Variants in BANP observed in about 807,000 individuals in gnomAD.
The protein encoded by BANP is protein BANP.
In BANP, 11 loss-of-function variants were observed where a neutral mutation model predicts 68.1. The observed-to-expected ratio is 0.16, with a 90% confidence interval of 0.10 to 0.27. The LOEUF (loss-of-function observed/expected upper bound fraction) is 0.27, where lower values mean the gene tolerates loss of function less well. Ranked by LOEUF, BANP falls within the 10% of genes least tolerant of loss-of-function variation. The pLI is 1.00. For missense variants in BANP, 504 were observed against 722.7 expected, an observed-to-expected ratio of 0.70 and a Z score of 3.47; for synonymous variants, 329 against 303.2, an observed-to-expected ratio of 1.09 and a Z score of -0.88.
At chr16:87,965,215 A>G (rs11117314) in intron 1 of BANP, among the ~76,000 whole-genome samples, 101,609 of 151,438 alleles carry the variant, frequency 0.67, 34,853 homozygotes, top group African/African-American at 0.79. Flanking sequence ...AATGAGCCCC[A>G]TCAGGCCCTG....
At position 88,004,451 on chromosome 16, in the gene BANP, G is replaced by C; in HGVS notation, c.479+40G>C. The C allele has an allele frequency of 8.7e-7, 1 of 1,145,144 alleles. No homozygotes were observed. The highest frequency in any genetic ancestry group is 1.3e-6 in the Non-Finnish European group (1 of 797,936). 70.9% of individuals were successfully genotyped at this position (1,145,144 alleles called of 1,614,324 possible). A position where few individuals can be genotyped will look rare whatever the true frequency, so the allele number is the denominator to read the frequency against. Reference sequence around the variant, plus strand: ...ACCAACCCCACCTTTCCCTGCCACTGTGCGGAGTCCCATGAGAATAAGTCA... The same window carrying C: ...ACCAACCCCACCTTTCCCTGCCACTCTGCGGAGTCCCATGAGAATAAGTCA... On this transcript the variant is annotated intron_variant, in intron 5 of 13. Transcript: ENST00000682872. The surrounding 1 kb of genome is among the most constrained non-coding windows in gnomAD (Gnocchi z 7.0).
chr16:88,063,255 C>T (rs1194410220), intron 11 of BANP, among the ~76,000 whole-genome samples: 2 of 152,242 alleles, frequency 1.3e-5, no homozygotes, highest in East Asian at 1.9e-4. Flanking sequence ...CCCAGTGCCT[C>T]GGCTTTCGCC....
Position 87,979,932 on chromosome 16 carries a change from AAAAAAC to A in BANP, c.71-1091_71-1086del, listed in dbSNP as rs1169879796. Among the ~76,000 whole-genome samples the A allele has an allele frequency of 2.6e-5, 4 of 152,270 alleles. No individual in the cohort carries two copies. The East Asian group carries it at 5.8e-4, about 22-fold the overall frequency. ...GTGACATAGCAAGACCTCATCTCTT[AAAAAAC>A]AAAAACAAAAACCAAACAAAACGAT... On this transcript the variant is annotated intron_variant, in intron 2 of 13. Transcript: ENST00000682872.
chr16:88,045,619 G>A (rs1410593886), intron 11 of BANP, among the ~76,000 whole-genome samples: 1 of 152,200 alleles, frequency 6.6e-6, no homozygotes, highest in African/African-American at 2.4e-5. Flanking sequence ...CGGGCATTCA[G>A]ACCAGCCAGA....
At chr16:88,015,700 G>A (rs1312717587) in intron 6 of BANP, among the ~76,000 whole-genome samples, 2 of 152,238 alleles carry the variant, frequency 1.3e-5, no homozygotes, top group African/African-American at 2.4e-5. Context: ...CAGGAGGAGC[G>A]GGGCCGAGGT....
Position 88,040,761 on chromosome 16 carries a change from A to C in BANP, c.1311+2750A>C, listed in dbSNP as rs578117594. ...CCTGGTGTGAGCACTGGCTTGATTG[A>C]TGGGAGACCCTGCAGCCCACGCTTG... On this transcript the variant is annotated intron_variant, in intron 11 of 13. Coordinates refer to ENST00000682872, the MANE Select transcript of BANP (RefSeq NM_001386991.1). Among the ~76,000 whole-genome samples the C allele has an allele frequency of 1.3e-5, 2 of 152,182 alleles. 1 individual carries two copies. Among genetic ancestry groups the C allele is most frequent in the African/African-American group, 4.8e-5 (2 of 41,436 alleles).
chr16:87,964,558 A>G (rs866757638), intron 1 of BANP, among the ~76,000 whole-genome samples: 1 of 151,982 alleles, frequency 6.6e-6, no homozygotes, highest in South Asian at 2.1e-4. Context: ...GGCGGGGAGG[A>G]GAGCCCCAGG....
chr16:88,045,960 G>A (rs2081930882), intron 11 of BANP, among the ~76,000 whole-genome samples: 1 of 152,218 alleles, frequency 6.6e-6, no homozygotes, highest in East Asian at 1.9e-4. Flanking sequence ...GGGCGCACAC[G>A]GCCCACCTGG....
intron 11 of BANP, among the ~76,000 whole-genome samples, chr16:88,060,739 C>T (rs1447608177): frequency 6.6e-6 from 1 of 152,008 alleles, no homozygotes; most frequent in Non-Finnish European, 1.5e-5. Context: ...CGGCCGGGCT[C>T]CCCGACCTGC....
intron 3 of BANP, chr16:87,982,825 A>C (rs1388684241): frequency 1.3e-5 from 2 of 152,262 alleles, no homozygotes; most frequent in Non-Finnish European, 2.9e-5. Flanking sequence ...TTTCCATGCC[A>C]GCTACATGAT....
At position 88,057,876 on chromosome 16, in the gene BANP, C is replaced by T. The variant is rs1181077470; in HGVS notation, c.1312-7391C>T. 7.2e-5 allele frequency among the ~76,000 whole-genome samples: 11 copies of T among 152,022 alleles called. No individual in the cohort carries two copies. Among genetic ancestry groups the T allele is most frequent in the African/African-American group, 2.4e-4 (10 of 41,376 alleles). Reference sequence around the variant, plus strand: ...TGCGGGGCACGCAGCGAGCACTTTCCGGACAGTGCGGTGCGGGGCAGCGAG... The same window carrying T: ...TGCGGGGCACGCAGCGAGCACTTTCTGGACAGTGCGGTGCGGGGCAGCGAG... On this transcript the variant is annotated intron_variant, in intron 11 of 13. Coordinates refer to ENST00000682872, the MANE Select transcript of BANP (RefSeq NM_001386991.1). This position sits in a 1 kb window ranked among gnomAD's most constrained non-coding sequence, Gnocchi z 4.6.
intron 11 of BANP, among the ~76,000 whole-genome samples, chr16:88,052,885 T>A (rs1221710393): frequency 1.3e-5 from 2 of 149,982 alleles, no homozygotes; most frequent in Middle Eastern, 3.5e-3. Context: ...CACCACCACC[T>A]TCTTCACTAT....
chr16:87,990,152 GTTTAT>G (rs910966173), intron 4 of BANP, among the ~76,000 whole-genome samples: 8 of 152,182 alleles, frequency 5.3e-5, no homozygotes, highest in African/African-American at 1.7e-4. Context: ...TTTTATTTTA[GTTTAT>G]TTTAATTTAA....
intron 4 of BANP, among the ~76,000 whole-genome samples, chr16:87,998,771 T>C (rs2068074848): frequency 7.1e-6 from 1 of 141,156 alleles, no homozygotes; most frequent in Non-Finnish European, 1.5e-5. Context: ...CAGACACGTC[T>C]CCATGCACGC....
At chr16:87,986,184 T>A (rs2064367462) in intron 4 of BANP, among the ~76,000 whole-genome samples, 1 of 152,188 alleles carries the variant, frequency 6.6e-6, no homozygotes, top group Non-Finnish European at 1.5e-5. Flanking sequence ...ACCACTGTTT[T>A]AAGGAATTAA....
chr16:88,054,317 T>C (rs1377202748), intron 11 of BANP, among the ~76,000 whole-genome samples: 4 of 73,792 alleles, frequency 5.4e-5, no homozygotes, highest in Admixed American at 1.3e-4. Flanking sequence ...ACAACCACCT[T>C]CACCACTGTC....
At chr16:87,951,859 G>A (rs1328367806) in intron 1 of BANP, among the ~76,000 whole-genome samples, 3 of 152,076 alleles carry the variant, frequency 2.0e-5, no homozygotes, top group Non-Finnish European at 4.4e-5. Context: ...GAGCCACGGC[G>A]GGGAGACTGG....
At chr16:87,988,203 C>T (rs552074425) in intron 4 of BANP, among the ~76,000 whole-genome samples, 3 of 152,188 alleles carry the variant, frequency 2.0e-5, no homozygotes, top group South Asian at 2.1e-4. Flanking sequence ...AAGGAAAAGT[C>T]TCCAAAGTTA....
chr16:87,992,176 C>T (rs1383216386), intron 4 of BANP, among the ~76,000 whole-genome samples: 10 of 152,206 alleles, frequency 6.6e-5, no homozygotes, highest in Admixed American at 2.6e-4. Context: ...ATTTCGAATG[C>T]TAACCGAACC....
Sources: allele counts gnomAD v4.1 joint callset (sites outside exome capture counted in the v4.1 genomes callset), GRCh38; gene constraint gnomAD v4.1.1; non-coding constraint Gnocchi (gnomAD v3.1); transcripts MANE v1.5; gene names NCBI Gene and HGNC (gene_info 2026-07-23, HGNC 2026-07-21).